The following MUC17 variants were observed in gnomAD, a reference collection of about 807,000 sequenced individuals.
MUC17 encodes the protein mucin 17, cell surface associated.
In MUC17, 190 loss-of-function variants were observed where a neutral mutation model predicts 170.3. That is an observed-to-expected ratio of 1.12 (90% CI 0.99 to 1.26). The LOEUF is 1.26. MUC17 is among the 50% of genes most tolerant of loss of function. The pLI is 0.00. For synonymous variants in MUC17, 2,325 were observed against 2,002.5 expected, an observed-to-expected ratio of 1.16 and a Z score of -4.30; for missense variants, 6,415 against 5,530.0, an observed-to-expected ratio of 1.16 and a Z score of -5.08.
intron 3 of MUC17, among the ~76,000 whole-genome samples, chr7:101,046,041 G>A (rs1794834388): frequency 6.6e-6 from 1 of 152,224 alleles, no homozygotes; most frequent in African/African-American, 2.4e-5. Context: ...CTTAGCTCAG[G>A]TCTGGACGTC....
rs1161904731 is a variant in MUC17, at chr7:101,035,732, C to G, written c.4316C>G (p.Thr1439Ser). Residue 1439 changes from threonine to serine, a missense_variant, in exon 3 of 13, where the codon ACT becomes AGT. By Grantham distance (58) the Thr-to-Ser change is moderately conservative. Transcript: ENST00000306151. Reference sequence around the variant, plus strand: ...GCTGAAGCCACTTCATCTCCTACAACTGCTGAAGGTATCAGCATACCAACC... The same window carrying G: ...GCTGAAGCCACTTCATCTCCTACAAGTGCTGAAGGTATCAGCATACCAACC... ...TSAEATSSPT[T>S]AEGISIPTST... The G allele has an allele frequency of 8.7e-6, 14 of 1,610,612 alleles. No homozygotes were observed. The African/African-American group carries it at 1.1e-4, about 12-fold the overall frequency.
chr7:101,040,365 C>T lies in MUC17; in HGVS notation c.8949C>T (p.Gly2983=), dbSNP rs144740371. The change falls in exon 3 of 13, where the codon GGC becomes GGT. Residue 2983 remains glycine, a synonymous_variant. Coordinates refer to ENST00000306151, the MANE Select transcript of MUC17 (RefSeq NM_001040105.2). ...CCAGCATGCCAATCTCAACTCCTGGCGAAAGAAGAACTCCATTAACAAGTA... is the reference window on the plus strand; with the variant it reads ...CCAGCATGCCAATCTCAACTCCTGGTGAAAGAAGAACTCCATTAACAAGTA... The part of the protein sequence containing the change: ...EGTSMPISTP[G]ERRTPLTSMS... The T allele has an allele frequency of 2.6e-4, 405 of 1,586,030 alleles. 5 individuals are homozygous for T. Among genetic ancestry groups the T allele is most frequent in the Non-Finnish European group, 3.2e-4 (377 of 1,167,050 alleles).
intron 1 of MUC17, among the ~76,000 whole-genome samples, chr7:101,028,910 G>A (rs867929869): frequency 2.7e-5 from 4 of 150,576 alleles, no homozygotes; most frequent in Admixed American, 6.6e-5. Context: ...AAATAAGTCC[G>A]GACGTGGTGG....
At chr7:101,028,352 G>T (rs1794218708) in intron 1 of MUC17, among the ~76,000 whole-genome samples, 1 of 152,006 alleles carries the variant, frequency 6.6e-6, no homozygotes, top group Non-Finnish European at 1.5e-5. Flanking sequence ...GCCTCTCAAA[G>T]TGCTGGGATT....
In MUC17 at chr7:101,033,064, T is replaced by A; in HGVS notation, c.1648T>A (p.Ser550Thr). 2.5e-6 allele frequency: 4 copies of A among 1,612,920 alleles called. No individual in the cohort carries two copies. Among genetic ancestry groups the A allele is most frequent in the Admixed American group, 3.3e-5 (2 of 59,882 alleles). The change falls in exon 3 of 13, where the codon TCA (serine) becomes ACA (threonine). Residue 550 changes from serine to threonine, a missense_variant. Ser to Thr is a moderately conservative substitution (Grantham distance 58). Coordinates refer to ENST00000306151, the MANE Select transcript of MUC17 (RefSeq NM_001040105.2). ...TPVTTSSEAS[S>T]SSTTPEGTSI... ...TGTGACCACTTCTAGTGAAGCCAGTTCATCTTCTACAACTCCTGAAGGTAC... is the reference window on the plus strand; with the variant it reads ...TGTGACCACTTCTAGTGAAGCCAGTACATCTTCTACAACTCCTGAAGGTAC...
rs766679868 is a variant in MUC17 at position 101,037,849 on chromosome 7, C to G, written c.6433C>G (p.Pro2145Ala). The change falls in exon 3 of 13, where the codon CCT becomes GCT. Residue 2145 changes from proline (P) to alanine (A), a missense_variant. Pro to Ala is a conservative substitution (Grantham distance 27). Transcript: ENST00000306151. ...TSTEVSSSPIPTEGTSMQTST... is the reference protein window; with the variant it reads ...TSTEVSSSPIATEGTSMQTST... ...TACTGAAGTCAGTTCATCTCCTATA[C>G]CTACTGAAGGTACCAGCATGCAAAC... is the stretch of plus-strand genomic sequence containing the variant. The G allele has an allele frequency of 1.2e-6, 2 of 1,613,274 alleles. No individual in the cohort carries two copies. The highest frequency in any genetic ancestry group is 1.7e-4 in the Middle Eastern group (1 of 6,058).
intron 1 of MUC17, among the ~76,000 whole-genome samples, chr7:101,025,033 A>T (rs1794156322): frequency 6.6e-6 from 1 of 151,918 alleles, no homozygotes. Context: ...AAAAAAAGAA[A>T]AATTTAATGG....
intron 12 of MUC17, among the ~76,000 whole-genome samples, chr7:101,057,270 A>G (rs1795062386): frequency 6.6e-6 from 1 of 152,192 alleles, no homozygotes; most frequent in Non-Finnish European, 1.5e-5. Context: ...TTTAAACTAG[A>G]TGGATATTTG....
chr7:101,052,967 C>T lies in MUC17; in HGVS notation c.13104-19C>T, dbSNP rs374374720. 1.7e-4 allele frequency: 273 copies of T among 1,605,710 alleles called. No individual in the cohort carries two copies. Among genetic ancestry groups the T allele is most frequent in the Non-Finnish European group, 2.0e-4 (239 of 1,175,188 alleles). ...ACTCCGTTCTCTCTCCCCAACCTGC[C>T]GCTTCTCTCCCATCTCAGCTGCGTG... is the stretch of plus-strand genomic sequence containing the variant. On this transcript the variant is annotated intron_variant, in intron 9 of 12. Transcript: ENST00000306151.
At position 101,042,464 on chromosome 7, in the gene MUC17, C is replaced by G. The variant is rs779220001; in HGVS notation, c.11048C>G (p.Thr3683Ser). The G allele has an allele frequency of 4.3e-6, 7 of 1,613,792 alleles. No homozygotes were observed. The highest frequency in any genetic ancestry group is 5.1e-6 in the Non-Finnish European group (6 of 1,179,914). The change falls in exon 3 of 13, where the codon ACC becomes AGC. Residue 3683 changes from threonine (T) to serine (S), a missense_variant. Coordinates refer to ENST00000306151, the MANE Select transcript of MUC17 (RefSeq NM_001040105.2). ...TCTCCTGTGACTCCTGAAGGTACCA[C>G]CATGCCAATCTGGACGCCTAGTGAA... ...SSSPVTPEGT[T>S]MPIWTPSEGS...
In MUC17 at chr7:101,039,390, T is replaced by C; in HGVS notation, c.7974T>C (p.Val2658=). 1 of 1,611,830 alleles carries C rather than the reference T, an allele frequency of 6.2e-7. No homozygotes were observed. Among genetic ancestry groups the C allele is most frequent in the South Asian group, 1.1e-5 (1 of 90,870 alleles). ...SEASTLSTTP[V]DTRTLVTTST... ...CTAGCACCCTTTCAACAACTCCTGT[T>C]GACACCAGGACACTTGTGACCACTT... The change falls in exon 3 of 13, where the codon GTT becomes GTC. Residue 2658 remains valine, a synonymous_variant. Coordinates refer to ENST00000306151, the MANE Select transcript of MUC17 (RefSeq NM_001040105.2).
chr7:101,044,692 G>T (rs1286557006), intron 3 of MUC17, among the ~76,000 whole-genome samples: 1 of 152,116 alleles, frequency 6.6e-6, no homozygotes, highest in African/African-American at 2.4e-5. Context: ...ATGCCATGAT[G>T]TTATTAACTC....
Position 101,035,952 on chromosome 7 carries a change from A to G in MUC17, c.4536A>G (p.Gly1512=). ...TSIAISTPSE[G]STALTSIPVS... Reference sequence around the variant, plus strand: ...TAGCAATCTCAACGCCTAGTGAAGGAAGCACTGCATTAACAAGTATACCTG... The same window carrying G: ...TAGCAATCTCAACGCCTAGTGAAGGGAGCACTGCATTAACAAGTATACCTG... Residue 1512 remains glycine, a synonymous_variant, in exon 3 of 13, where the codon GGA becomes GGG. Coordinates refer to ENST00000306151, the MANE Select transcript of MUC17 (RefSeq NM_001040105.2). The G allele has an allele frequency of 6.2e-7, 1 of 1,612,868 alleles. No individual in the cohort carries two copies. Among genetic ancestry groups the G allele is most frequent in the Non-Finnish European group, 8.5e-7 (1 of 1,179,288 alleles).
Position 101,032,211 on chromosome 7 carries a change from G to C in MUC17, c.795G>C (p.Leu265=). Residue 265 remains leucine, a synonymous_variant, in exon 3 of 13, where the codon CTG becomes CTC. Coordinates refer to ENST00000306151, the MANE Select transcript of MUC17 (RefSeq NM_001040105.2). Reference sequence around the variant, plus strand: ...CTACAACTGCTGAAGGTCCCAGCCTGTCAAACTCAGCTCCTAGTGGAGGAA... The same window carrying C: ...CTACAACTGCTGAAGGTCCCAGCCTCTCAAACTCAGCTCCTAGTGGAGGAA... ...SSPTTAEGPS[L]SNSAPSGGST... is the part of the protein sequence containing the mutation. The C allele has an allele frequency of 6.2e-7, 1 of 1,614,098 alleles. No individual in the cohort carries two copies. Among genetic ancestry groups the C allele is most frequent in the Non-Finnish European group, 8.5e-7 (1 of 1,180,002 alleles).
intron 3 of MUC17, among the ~76,000 whole-genome samples, chr7:101,047,687 T>C (rs1794865402): frequency 1.3e-5 from 2 of 152,066 alleles, no homozygotes; most frequent in South Asian, 4.2e-4. Flanking sequence ...AAAACTTAGC[T>C]GGGTGTGGTG....
At position 101,032,373 on chromosome 7, in the gene MUC17, T is replaced by C. The variant is rs1197525682; in HGVS notation, c.957T>C (p.Ala319=). 20 of 1,613,424 alleles carry C rather than the reference T, an allele frequency of 1.2e-5. No individual in the cohort carries two copies. The highest frequency in any genetic ancestry group is 3.3e-5 in the Admixed American group (2 of 59,932). ...STEASSSPTT[A]EGTSIPTSTY... is the part of the protein sequence containing the mutation. Reference sequence around the variant, plus strand: ...AAGCCAGTTCATCTCCTACAACGGCTGAAGGCACCAGCATACCAACCTCAA... The same window carrying C: ...AAGCCAGTTCATCTCCTACAACGGCCGAAGGCACCAGCATACCAACCTCAA... The change falls in exon 3 of 13, where the codon GCT becomes GCC. Residue 319 remains alanine, a synonymous_variant. Coordinates refer to ENST00000306151, the MANE Select transcript of MUC17 (RefSeq NM_001040105.2).
Position 101,033,705 on chromosome 7 carries a change from G to T in MUC17, c.2289G>T (p.Glu763Asp). The change falls in exon 3 of 13, where the codon GAG becomes GAT. Residue 763 changes from glutamate to aspartate, a missense_variant. Glu to Asp is a conservative substitution (Grantham distance 45). Transcript: ENST00000306151. The part of the protein sequence containing the change: ...PVSKTLLTSS[E>D]ASTLSTTPLD... The stretch of plus-strand genomic sequence containing the variant: ...GCAAAACGCTGTTGACCAGTTCTGA[G>T]GCTAGCACCCTTTCAACAACTCCTC... The T allele has an allele frequency of 1.2e-6, 2 of 1,613,382 alleles. No individual in the cohort carries two copies. Among genetic ancestry groups the T allele is most frequent in the Non-Finnish European group, 1.7e-6 (2 of 1,179,634 alleles).
chr7:101,032,966 C>T lies in MUC17; in HGVS notation c.1550C>T (p.Ser517Phe), dbSNP rs1374858351. 3 of 1,614,088 alleles carry T rather than the reference C, an allele frequency of 1.9e-6. No individual in the cohort carries two copies. In the Admixed American group the frequency reaches 5.0e-5, roughly 27 times the overall value. The change falls in exon 3 of 13, where the codon TCT (serine) becomes TTT (phenylalanine). Residue 517 changes from serine (S) to phenylalanine (F), a missense_variant. Physicochemically the swap from Ser to Phe is radical, Grantham distance 155. Transcript: ENST00000306151. ...GGAAGCACTCCATTAACAAGTATGT[C>T]TGTCAGCACCATGCCGGTGGCCAGT... The part of the protein sequence containing the change: ...SEGSTPLTSM[S>F]VSTMPVASSE...
intron 5 of MUC17, 101 bp from the exon 6 acceptor site, chr7:101,049,223 G>A (rs1794893402): frequency 3.9e-6 from 6 of 1,529,788 alleles, no homozygotes; most frequent in Non-Finnish European, 2.7e-6. Flanking sequence ...GTGCTATGAT[G>A]CTGCGGGACA....
Sources: allele counts gnomAD v4.1 joint callset (sites outside exome capture counted in the v4.1 genomes callset), GRCh38; gene constraint gnomAD v4.1.1; transcripts MANE v1.5; gene names NCBI Gene and HGNC (gene_info 2026-07-23, HGNC 2026-07-21).